SLC9A2: variants seen among roughly 807,000 people sequenced by gnomAD.
SLC9A2 encodes the protein sodium/hydrogen exchanger 2.
Under a neutral mutation model 71.7 loss-of-function variants are expected in SLC9A2, and 42 were observed. The observed-to-expected ratio is 0.59, with a 90% CI of 0.46 to 0.76. The LOEUF is 0.76. SLC9A2 is among the 30% of genes least tolerant of loss of function. SLC9A2 has a pLI of 0.00. For missense variants in SLC9A2, 829 were observed against 1,017.4 expected (o/e 0.81, Z 2.52); for synonymous variants, 396 against 392.5 (o/e 1.01, Z -0.10).
At chr2:102,675,581 C>T (rs544677699) in intron 3 of SLC9A2, among the ~76,000 whole-genome samples, 14 of 151,894 alleles carry the variant, frequency 9.2e-5, no homozygotes, top group Non-Finnish European at 7.4e-5. Flanking sequence ...CAGGAAATGC[C>T]GCTGTCAGCA....
intron 11 of SLC9A2, among the ~76,000 whole-genome samples, chr2:102,707,229 C>T (rs1677997104): frequency 6.6e-6 from 1 of 151,620 alleles, no homozygotes; most frequent in East Asian, 1.9e-4. Flanking sequence ...AACAAATCTG[C>T]ACATGTACCC....
rs936919156 is a variant in SLC9A2, at chr2:102,632,139, T to C, written c.289+12002T>C. Among the ~76,000 whole-genome samples, 21 of 56,944 alleles carry C rather than the reference T, an allele frequency of 3.7e-4. 2 individuals carry two copies. The highest frequency in any genetic ancestry group is 1.0e-3 in the African/African-American group (17 of 16,238). 37.4% of individuals were successfully genotyped at this position (56,944 alleles called of 152,430 possible). ...ATATATACATATATACATATATATG[T>C]ATATATACATATATACACATATATA... On this transcript the variant is annotated intron_variant, in intron 1 of 11. Coordinates refer to ENST00000233969, the MANE Select transcript of SLC9A2 (RefSeq NM_003048.6).
intron 3 of SLC9A2, among the ~76,000 whole-genome samples, chr2:102,679,531 G>A (rs556199843): frequency 3.3e-5 from 5 of 151,930 alleles, no homozygotes; most frequent in East Asian, 3.9e-4. Context: ...ACAGGTGTCC[G>A]CCACCACACC....
Position 102,708,441 on chromosome 2 carries a change from A to G in SLC9A2, c.2391A>G (p.Ala797=), listed in dbSNP as rs1233423250. Residue 797 remains alanine, a synonymous_variant, in exon 12 of 12, where the codon GCA becomes GCG. Transcript: ENST00000233969. ...PKPPPRLVWR[A]SEPGSRKARF... is the part of the protein sequence containing the mutation. Reference sequence around the variant, plus strand: ...CGCCACCACGGCTGGTCTGGAGGGCATCGGAACCTGGAAGCCGGAAAGCCC... The same window carrying G: ...CGCCACCACGGCTGGTCTGGAGGGCGTCGGAACCTGGAAGCCGGAAAGCCC... 1 of 1,614,178 alleles carries G rather than the reference A, an allele frequency of 6.2e-7. No individual in the cohort carries two copies. The highest frequency in any genetic ancestry group is 1.1e-5 in the South Asian group (1 of 91,086).
intron 5 of SLC9A2, among the ~76,000 whole-genome samples, chr2:102,684,798 C>T (rs941879905): frequency 5.3e-5 from 8 of 152,244 alleles, no homozygotes; most frequent in African/African-American, 1.4e-4. Flanking sequence ...CCCTACTTTG[C>T]AAGTTAATCA....
chr2:102,711,276 C>T lies in SLC9A2; in HGVS notation c.*2787C>T, dbSNP rs1194431105. On this transcript the variant is annotated 3_prime_UTR_variant, in exon 12 of 12. Coordinates refer to ENST00000233969, the MANE Select transcript of SLC9A2 (RefSeq NM_003048.6). ...TTTGTCAAAGTGCACACTGTACTTT[C>T]TTCTTAAAAACGTGATTAAAGAGAT... The T allele has an allele frequency of 6.6e-6, 1 of 152,310 alleles. No individual in the cohort carries two copies. Among genetic ancestry groups the T allele is most frequent in the Non-Finnish European group, 1.5e-5 (1 of 68,040 alleles). The allele number at this position is 152,310 out of a possible 1,614,324, so 9.4% of individuals were successfully genotyped here.
chr2:102,624,193 AC>A (rs1676199375), intron 1 of SLC9A2, among the ~76,000 whole-genome samples: 1 of 152,228 alleles, frequency 6.6e-6, no homozygotes, highest in Non-Finnish European at 1.5e-5. Context: ...TTTTTAAAGC[AC>A]AGCAAATTTA....
chr2:102,668,161 C>T (rs1677178526), intron 3 of SLC9A2, among the ~76,000 whole-genome samples: 1 of 152,030 alleles, frequency 6.6e-6, no homozygotes, highest in Admixed American at 6.6e-5. Flanking sequence ...AAGATATTAC[C>T]AGTGATGTAA....
chr2:102,695,070 G>C lies in SLC9A2; in HGVS notation c.1543G>C (p.Glu515Gln). ...RLFDHVKTGI[E>Q]DVCGHWGHNF... is the part of the protein sequence containing the mutation. The stretch of plus-strand genomic sequence containing the variant: ...GTTTGATCATGTGAAGACTGGAATT[G>C]AAGATGTTTGTGGACATTGGGGTCA... Residue 515 changes from glutamate to glutamine, a missense_variant, in exon 7 of 12, where the codon GAA becomes CAA. Around this residue, in one of 3 missense-constraint regions of SLC9A2, gnomAD observed 500 missense variants for 726.3 expected, o/e 0.69. Transcript: ENST00000233969. 2 of 1,613,950 alleles carry C rather than the reference G, an allele frequency of 1.2e-6. No individual in the cohort carries two copies. Among genetic ancestry groups the C allele is most frequent in the African/African-American group, 1.3e-5 (1 of 75,048 alleles).
chr2:102,674,984 T>C (rs1026727372), intron 3 of SLC9A2, among the ~76,000 whole-genome samples: 1 of 152,140 alleles, frequency 6.6e-6, no homozygotes, highest in African/African-American at 2.4e-5. Flanking sequence ...TAGAAAACAT[T>C]TCAGAGGAAG....
At chr2:102,622,490 C>T (rs1359898074) in intron 1 of SLC9A2, among the ~76,000 whole-genome samples, 2 of 152,134 alleles carry the variant, frequency 1.3e-5, no homozygotes, top group African/African-American at 4.8e-5. Context: ...CTAGGAGGCA[C>T]TTAAGGGCAT....
At chr2:102,623,167 A>T (rs895824787) in intron 1 of SLC9A2, among the ~76,000 whole-genome samples, 1 of 151,854 alleles carries the variant, frequency 6.6e-6, no homozygotes, top group Non-Finnish European at 1.5e-5. Context: ...CACATATTGC[A>T]CCTCCTGTCC....
chr2:102,673,509 T>C (rs1677293101), intron 3 of SLC9A2, among the ~76,000 whole-genome samples: 1 of 152,194 alleles, frequency 6.6e-6, no homozygotes, highest in Non-Finnish European at 1.5e-5. Flanking sequence ...AACTTTAAAT[T>C]ACATAAAACT....
At chr2:102,620,221 CTAGA>C in intron 1 of SLC9A2, 84 bp downstream of exon 1, 4 of 1,210,610 alleles carry the variant, frequency 3.3e-6, no homozygotes, top group Non-Finnish European at 4.6e-6. Flanking sequence ...CAGCTGACCT[CTAGA>C]TAGTGACCGC....
chr2:102,642,348 A>G (rs919384227), intron 1 of SLC9A2, among the ~76,000 whole-genome samples: 3 of 152,166 alleles, frequency 2.0e-5, no homozygotes, highest in East Asian at 3.9e-4. Context: ...GTTCATTTCT[A>G]TTCCTAATTT....
At chr2:102,690,710 A>G (rs1410979278) in intron 5 of SLC9A2, among the ~76,000 whole-genome samples, 2 of 152,206 alleles carry the variant, frequency 1.3e-5, no homozygotes, top group Non-Finnish European at 2.9e-5. Context: ...CACTCCACCT[A>G]TCCCATTCTA....
intron 1 of SLC9A2, among the ~76,000 whole-genome samples, chr2:102,645,712 G>C (rs934408438): frequency 6.6e-6 from 1 of 151,936 alleles, no homozygotes; most frequent in Admixed American, 6.6e-5. Context: ...AGAGATTGGA[G>C]ATCAACTTAA....
intron 1 of SLC9A2, among the ~76,000 whole-genome samples, chr2:102,655,207 A>C (rs2104518010): frequency 7.8e-6 from 1 of 127,674 alleles, no homozygotes; most frequent in East Asian, 2.2e-4. Context: ...TTATACCCTT[A>C]TTCTTTTTTT....
In SLC9A2 at chr2:102,644,181, C is replaced by A. The variant is rs559613386; in HGVS notation, c.290-13383C>A. 6.6e-5 allele frequency among the ~76,000 whole-genome samples: 10 copies of A among 151,970 alleles called. No individual in the cohort carries two copies. The East Asian group carries it at 1.6e-3, about 24-fold the overall frequency. ...GACAGTGGGTGCAGCCCATGGAAGG[C>A]AAGCAGAAGCAGGATAGGGCATCAC... On this transcript the variant is annotated intron_variant, in intron 1 of 11. Transcript: ENST00000233969.
Sources: gnomAD v4.1 joint callset for allele counts (sites outside exome capture counted in the v4.1 genomes callset) on GRCh38, gnomAD v4.1.1 for gene constraint, gnomAD v4.1.1 regional missense constraint, MANE v1.5 for transcripts, NCBI Gene and HGNC (gene_info 2026-07-23, HGNC 2026-07-21) for gene names.